CELF2: variants seen among roughly 807,000 people sequenced by gnomAD.
CELF2 encodes the protein CUGBP Elav-like family member 2, also known as CUG triplet repeat RNA-binding protein 2.
CELF2 carries 8 observed loss-of-function variants against 62.6 expected under a neutral mutation model. That is an observed-to-expected ratio of 0.13 (90% CI 0.07 to 0.23). The LOEUF (loss-of-function observed/expected upper bound fraction) is 0.23, where lower values mean the gene tolerates loss of function less well. Among genes scored for constraint, CELF2 ranks in the 10% least tolerant of loss-of-function variants. The pLI is 1.00. For synonymous variants in CELF2, 258 were observed against 250.0 expected (o/e 1.03, Z -0.30); for missense variants, 333 against 671.0 (o/e 0.50, Z 5.56).
the CELF2 span, among the ~76,000 whole-genome samples, chr10:10,729,524 G>A: frequency 6.6e-6 from 1 of 152,084 alleles, no homozygotes; most frequent in African/African-American, 2.4e-5. Flanking sequence ...ATAACATCAT[G>A]GCATTATATG....
chr10:11,065,497 A>C (rs2067860745), intron 1 of CELF2, among the ~76,000 whole-genome samples: 1 of 152,128 alleles, frequency 6.6e-6, no homozygotes, highest in Admixed American at 6.5e-5. Context: ...TGATGGTTAG[A>C]GGTTTCTTGG....
intron 1 of CELF2, among the ~76,000 whole-genome samples, chr10:10,849,732 CGT>C (rs1334958456): frequency 6.6e-6 from 1 of 151,822 alleles, no homozygotes; most frequent in Non-Finnish European, 1.5e-5. Flanking sequence ...TTTTATCATA[CGT>C]GTGTGTGTAT....
chr10:11,026,314 C>G (rs961133905), intron 1 of CELF2, among the ~76,000 whole-genome samples: 1 of 152,182 alleles, frequency 6.6e-6, no homozygotes, highest in Non-Finnish European at 1.5e-5. Context: ...GTGAACGTTA[C>G]AGCAGATTCA....
At chr10:10,520,316 C>T in the CELF2 span, among the ~76,000 whole-genome samples, 2 of 152,164 alleles carry the variant, frequency 1.3e-5, no homozygotes, top group Non-Finnish European at 2.9e-5. Context: ...GGATACCACT[C>T]AAGACCCAAC....
At chr10:10,776,926 C>G in the CELF2 span, among the ~76,000 whole-genome samples, 1 of 152,256 alleles carries the variant, frequency 6.6e-6, no homozygotes, top group Non-Finnish European at 1.5e-5. Flanking sequence ...AGGCCATGCC[C>G]TCTGCATTCT....
At chr10:11,326,490 G>A (rs575801789) in intron 12 of CELF2, among the ~76,000 whole-genome samples, 13 of 152,264 alleles carry the variant, frequency 8.5e-5, no homozygotes, top group African/African-American at 1.2e-4. Context: ...GGCCACCATC[G>A]GGGAGTGGGA....
At chr10:11,219,618 T>C (rs1472043998) in intron 3 of CELF2, among the ~76,000 whole-genome samples, 3 of 152,330 alleles carry the variant, frequency 2.0e-5, no homozygotes, top group African/African-American at 4.8e-5. Context: ...ATTCCAAATA[T>C]GGTAAATGAG....
At chr10:11,019,194 G>A (rs1480034302) in intron 1 of CELF2, among the ~76,000 whole-genome samples, 1 of 152,166 alleles carries the variant, frequency 6.6e-6, no homozygotes, top group Non-Finnish European at 1.5e-5. Flanking sequence ...TTAGGAAAAG[G>A]AAACCTAAAA....
At chr10:11,023,556 C>G (rs1419650852) in intron 1 of CELF2, among the ~76,000 whole-genome samples, 1 of 152,122 alleles carries the variant, frequency 6.6e-6, no homozygotes, top group Non-Finnish European at 1.5e-5. Context: ...GGATGGAAAC[C>G]ATCTCCTCCT....
intron 1 of CELF2, among the ~76,000 whole-genome samples, chr10:11,040,721 C>G (rs2061693988): frequency 6.7e-6 from 1 of 148,170 alleles, no homozygotes; most frequent in African/African-American, 2.5e-5. Context: ...TTTTTTATTT[C>G]CCTTTGATTT....
In CELF2 at chr10:10,947,921, A is replaced by G. The variant is rs2047880408; in HGVS notation, c.89+27922A>G. Among the ~76,000 whole-genome samples the G allele has an allele frequency of 6.6e-6, 1 of 152,206 alleles. No homozygotes were observed. The highest frequency in any genetic ancestry group is 6.5e-5 in the Admixed American group (1 of 15,286). On this transcript the variant is annotated intron_variant, in intron 2 of 13. Coordinates refer to the CELF2 transcript ENST00000636488. This position sits in a 1 kb window ranked among gnomAD's most constrained non-coding sequence, Gnocchi z 4.1. ...CAAGAACGTCCAAGCATGGTAGAAA[A>G]ATCACAAAGAATTGCCCTTGGGGTG...
chr10:11,058,717 C>T (rs774489503), intron 1 of CELF2, among the ~76,000 whole-genome samples: 2 of 152,084 alleles, frequency 1.3e-5, no homozygotes, highest in Non-Finnish European at 2.9e-5. Context: ...ATCCACCCCC[C>T]TCAGCCTCCC....
chr10:11,099,800 G>A (rs907849711), intron 1 of CELF2, among the ~76,000 whole-genome samples: 1 of 149,612 alleles, frequency 6.7e-6, no homozygotes, highest in African/African-American at 2.5e-5. Flanking sequence ...ATTTTTATTG[G>A]TAAAACTCTG....
chr10:10,514,839 G>A, the CELF2 span, among the ~76,000 whole-genome samples: 2 of 152,156 alleles, frequency 1.3e-5, no homozygotes, highest in East Asian at 1.9e-4. Context: ...AATCAAGAGC[G>A]TGAGTGTTAA....
chr10:10,558,713 TC>T, the CELF2 span, among the ~76,000 whole-genome samples: 10 of 152,170 alleles, frequency 6.6e-5, no homozygotes, highest in African/African-American at 2.4e-4. Context: ...CAATTTCAGC[TC>T]CTGTTATTGG....
intron 2 of CELF2, among the ~76,000 whole-genome samples, chr10:10,940,834 T>A (rs549686458): frequency 1.3e-5 from 2 of 152,302 alleles, no homozygotes; most frequent in Admixed American, 1.3e-4. Flanking sequence ...CAAAAATATA[T>A]ATGTTTTTGG....
intron 1 of CELF2, among the ~76,000 whole-genome samples, chr10:10,887,759 T>G (rs2061854230): frequency 6.6e-6 from 1 of 152,054 alleles, no homozygotes; most frequent in Non-Finnish European, 1.5e-5. Flanking sequence ...ATGCAATTGT[T>G]CTGTGTAGAC....
the CELF2 span, among the ~76,000 whole-genome samples, chr10:10,748,090 G>C: frequency 1.3e-5 from 2 of 152,264 alleles, no homozygotes; most frequent in East Asian, 3.9e-4. Context: ...ATAGGGTGGG[G>C]GGAATAAACA....
At chr10:11,077,965 C>T (rs184039786) in intron 1 of CELF2, among the ~76,000 whole-genome samples, 1 of 152,230 alleles carries the variant, frequency 6.6e-6, no homozygotes, top group East Asian at 1.9e-4. Flanking sequence ...CCAAAGTAAT[C>T]CTTGAGAAAA....
Sources: allele counts gnomAD v4.1 joint callset (sites outside exome capture counted in the v4.1 genomes callset), GRCh38; gene constraint gnomAD v4.1.1; non-coding constraint Gnocchi (gnomAD v3.1); transcripts MANE v1.5; gene names NCBI Gene and HGNC (gene_info 2026-07-23, HGNC 2026-07-21).